Variants in KNTC1 observed in about 807,000 individuals in gnomAD.
KNTC1 encodes kinetochore-associated protein 1.
A neutral mutation model predicts 314.4 loss-of-function variants in KNTC1; 253 were observed. The observed-to-expected ratio is 0.80, with a 90% CI of 0.73 to 0.89. The LOEUF is 0.89. Among genes scored for constraint, KNTC1 ranks in the 40% least tolerant of loss-of-function variants. KNTC1 has a pLI of 0.00. For missense variants in KNTC1, 2,475 were observed against 2,572.9 expected (o/e 0.96, Z 0.82); for synonymous variants, 901 against 901.4 (o/e 1.00, Z 0.01).
At chr12:122,594,428 T>A in intron 43 of KNTC1, 43 bp downstream of exon 43, 1 of 1,088,232 alleles carries the variant, frequency 9.2e-7, no homozygotes, top group Non-Finnish European at 1.4e-6. Context: ...GTTAACAAAC[T>A]GGTAATTCTT....
At chr12:122,570,583 A>T (rs974637643) in intron 22 of KNTC1, among the ~76,000 whole-genome samples, 1 of 152,170 alleles carries the variant, frequency 6.6e-6, no homozygotes, top group East Asian at 1.9e-4. Context: ...ACTTAATTCT[A>T]TATTTAAAAA....
intron 12 of KNTC1, among the ~76,000 whole-genome samples, chr12:122,549,418 C>T (rs1290912683): frequency 2.0e-5 from 3 of 151,982 alleles, no homozygotes; most frequent in Non-Finnish European, 4.4e-5. Context: ...GGCACAATCT[C>T]GGCTCACTGC....
intron 1 of KNTC1, among the ~76,000 whole-genome samples, chr12:122,527,932 A>G (rs1210815996): frequency 6.6e-6 from 1 of 152,174 alleles, no homozygotes; most frequent in Non-Finnish European, 1.5e-5. Context: ...TGTTTCCTTC[A>G]AATCATTTAG....
intron 20 of KNTC1, among the ~76,000 whole-genome samples, chr12:122,565,952 C>CTTTT (rs527446641): frequency 1.6e-5 from 2 of 128,250 alleles, no homozygotes; most frequent in Non-Finnish European, 3.2e-5. Context: ...ACGTTTCAAT[C>CTTTT]TTTTTTTTTT....
chr12:122,565,803 T>A (rs1046499971), intron 20 of KNTC1, among the ~76,000 whole-genome samples: 1 of 152,104 alleles, frequency 6.6e-6, no homozygotes, highest in African/African-American at 2.4e-5. Flanking sequence ...GAGGATCACC[T>A]GAGCCTGGGA....
chr12:122,532,295 G>A (rs1281835238), intron 2 of KNTC1, among the ~76,000 whole-genome samples: 4 of 139,404 alleles, frequency 2.9e-5, no homozygotes, highest in African/African-American at 1.1e-4. Context: ...TGCAACCTCC[G>A]CCTCCTGGGT....
intron 26 of KNTC1, 80 bp downstream of exon 26, chr12:122,573,365 A>G: frequency 7.9e-7 from 1 of 1,265,620 alleles, no homozygotes; most frequent in Non-Finnish European, 1.1e-6. Flanking sequence ...CTCTTTAAGG[A>G]ATGTCATATG....
chr12:122,611,040 C>A, intron 53 of KNTC1, 140 bp downstream of exon 53: 2 of 662,092 alleles, frequency 3.0e-6, no homozygotes, highest in Non-Finnish European at 5.3e-6. Context: ...TCTGTCTCAT[C>A]TCCTAAGCAA....
At chr12:122,559,269 A>C (rs963363659) in intron 18 of KNTC1, among the ~76,000 whole-genome samples, 1 of 152,042 alleles carries the variant, frequency 6.6e-6, no homozygotes, top group Admixed American at 6.6e-5. Flanking sequence ...AATCGCTTCA[A>C]CCTGGGAGGT....
At position 122,571,076 on chromosome 12, in the gene KNTC1, GAAA is replaced by G; in HGVS notation, c.1973_1975del (p.Lys658del). The G allele has an allele frequency of 6.2e-7, 1 of 1,613,678 alleles. No homozygotes were observed. On this transcript the variant is annotated inframe_deletion, in exon 24 of 64. Coordinates refer to ENST00000333479, the MANE Select transcript of KNTC1 (RefSeq NM_014708.6). Reference sequence around the variant, plus strand: ...ATTGGCAGAGATATTTTTTACAGCAGAAAAAACAGACGAGTTGGGATTGGCATC... The same window carrying G: ...ATTGGCAGAGATATTTTTTACAGCAGAAACAGACGAGTTGGGATTGGCATC...
chr12:122,588,727 A>G lies in KNTC1; in HGVS notation c.3910A>G (p.Thr1304Ala), dbSNP rs1424173814. 9 of 1,539,840 alleles carry G rather than the reference A, an allele frequency of 5.8e-6. No individual in the cohort carries two copies. The highest frequency in any genetic ancestry group is 7.0e-6 in the Non-Finnish European group (8 of 1,142,182). ...TLSEKLFGET[T>A]LVKSRHVVME... ...TTTCTAAAAGTTATTTGGAGAGACT[A>G]CATTAGTTAAATCAAGGCATGTTGT... is the stretch of plus-strand genomic sequence containing the variant. Residue 1304 changes from threonine to alanine, a missense_variant, in exon 40 of 64, where the codon ACA becomes GCA. Thr to Ala is a moderately conservative substitution (Grantham distance 58). Coordinates refer to ENST00000333479, the MANE Select transcript of KNTC1 (RefSeq NM_014708.6).
intron 29 of KNTC1, among the ~76,000 whole-genome samples, chr12:122,576,294 C>T (rs1243191765): frequency 6.6e-6 from 1 of 152,012 alleles, no homozygotes; most frequent in Non-Finnish European, 1.5e-5. Flanking sequence ...GTCTTGAGCT[C>T]CCGACCTCAG....
At chr12:122,600,575 G>A (rs1331940652) in intron 44 of KNTC1, among the ~76,000 whole-genome samples, 1 of 152,010 alleles carries the variant, frequency 6.6e-6, no homozygotes, top group Non-Finnish European at 1.5e-5. Context: ...TTTTCCCATC[G>A]TAAATGAAAG....
At chr12:122,572,894 CTTTTA>C (rs746069708) in intron 24 of KNTC1, 38 bp from the exon 25 acceptor site, 38 of 1,372,678 alleles carry the variant, frequency 2.8e-5, no homozygotes, top group Middle Eastern at 1.8e-4. Context: ...TTCTCTCATA[CTTTTA>C]TTTTATATCG....
chr12:122,615,832 G>A (rs992297206), intron 57 of KNTC1, among the ~76,000 whole-genome samples: 3 of 152,126 alleles, frequency 2.0e-5, no homozygotes, highest in Non-Finnish European at 4.4e-5. Context: ...TCAGCTGTAG[G>A]ATGATTAAAG....
At chr12:122,624,553 G>A (rs952453149) in intron 62 of KNTC1, 45 bp from the exon 63 acceptor site, 3 of 1,407,502 alleles carry the variant, frequency 2.1e-6, no homozygotes, top group East Asian at 2.3e-5. Flanking sequence ...TAGGCACAAG[G>A]CACTGTGCTT....
intron 5 of KNTC1, 129 bp downstream of exon 5, chr12:122,539,883 G>C: frequency 1.7e-6 from 1 of 576,884 alleles, no homozygotes; most frequent in South Asian, 2.3e-5. Context: ...CCAGGTTCAG[G>C]CGTCTCCTGC....
chr12:122,595,172 G>C (rs956908221), intron 43 of KNTC1, among the ~76,000 whole-genome samples: 6 of 152,234 alleles, frequency 3.9e-5, no homozygotes. Flanking sequence ...CACTGCGCCT[G>C]AACAAGAATT....
intron 16 of KNTC1, among the ~76,000 whole-genome samples, chr12:122,554,076 A>AAAAATAT (rs370146333): frequency 3.5e-4 from 38 of 109,046 alleles, no homozygotes; most frequent in African/African-American, 1.3e-3. Context: ...AAAAAAAAAA[A>AAAAATAT]ATATATATAT....
Sources: gnomAD v4.1 joint callset for allele counts (sites outside exome capture counted in the v4.1 genomes callset) on GRCh38, gnomAD v4.1.1 for gene constraint, MANE v1.5 for transcripts, NCBI Gene and HGNC (gene_info 2026-07-23, HGNC 2026-07-21) for gene names.